The following UNC5C variants were observed in gnomAD, a reference collection of about 807,000 sequenced individuals.
UNC5C encodes unc-5 netrin receptor C, also known as netrin receptor UNC5C.
UNC5C carries 47 observed loss-of-function variants against 99.8 expected under a neutral mutation model. The ratio of observed to expected loss-of-function variants is 0.47; its 90% confidence interval spans 0.37 to 0.60. UNC5C has a LOEUF of 0.60. Among genes scored for constraint, UNC5C ranks in the 20% least tolerant of loss-of-function variants. The pLI is 0.00. For synonymous variants in UNC5C, 487 were observed against 452.2 expected (o/e 1.08, Z -0.98); for missense variants, 1,062 against 1,165.9 (o/e 0.91, Z 1.30).
intron 1 of UNC5C, among the ~76,000 whole-genome samples, chr4:95,380,613 T>C (rs957367757): frequency 6.6e-6 from 1 of 152,126 alleles, no homozygotes; most frequent in Admixed American, 6.5e-5. Context: ...AAGATCACCA[T>C]TTACCCAGAA....
chr4:95,450,279 A>T (rs1038674897), intron 1 of UNC5C, among the ~76,000 whole-genome samples: 1 of 152,198 alleles, frequency 6.6e-6, no homozygotes, highest in Non-Finnish European at 1.5e-5. Context: ...TAGCACAATC[A>T]TAGGTTCATA....
At chr4:95,489,440 T>A (rs73838897) in intron 1 of UNC5C, among the ~76,000 whole-genome samples, 5,560 of 151,752 alleles carry the variant, frequency 0.037, 198 homozygotes, top group African/African-American at 0.093. Context: ...AGTAATTTTT[T>A]AATTTTATTC....
intron 7 of UNC5C, among the ~76,000 whole-genome samples, chr4:95,222,452 A>G (rs998528117): frequency 6.6e-6 from 1 of 152,172 alleles, no homozygotes; most frequent in African/African-American, 2.4e-5. Context: ...CTAAGAATTA[A>G]TAAGCAGGCA....
intron 1 of UNC5C, among the ~76,000 whole-genome samples, chr4:95,468,089 C>T (rs28402691): frequency 0.18 from 27,163 of 148,836 alleles, 2,768 homozygotes; most frequent in East Asian, 0.43. Context: ...GCATACTTGG[C>T]GGACTTTACT....
chr4:95,288,372 C>A (rs529303020), intron 3 of UNC5C, among the ~76,000 whole-genome samples: 3 of 152,056 alleles, frequency 2.0e-5, no homozygotes, highest in African/African-American at 7.2e-5. Flanking sequence ...CGTGAGCCAC[C>A]GTGCCCAGCA....
chr4:95,220,122 A>G lies in UNC5C; in HGVS notation c.1163T>C (p.Ile388Thr), dbSNP rs1163744061. The change falls in exon 8 of 16, where the codon ATC (isoleucine) becomes ACC (threonine). Residue 388 changes from isoleucine (I) to threonine (T), a missense_variant. Transcript: ENST00000453304. ...ALYVGIVIAV[I>T]VCLAISVVVA... Reference sequence around the variant, plus strand: ...AACTACAGAGATCGCCAGGCAAACGATCACTGCTATCACAATCCCAACATA... The same window carrying G: ...AACTACAGAGATCGCCAGGCAAACGGTCACTGCTATCACAATCCCAACATA... The G allele has an allele frequency of 1.9e-6, 3 of 1,613,990 alleles. No homozygotes were observed. The highest frequency in any genetic ancestry group is 3.3e-5 in the Admixed American group (2 of 59,988).
chr4:95,171,769 G>A (rs536341746), intron 14 of UNC5C, among the ~76,000 whole-genome samples: 1 of 151,704 alleles, frequency 6.6e-6, no homozygotes, highest in South Asian at 2.1e-4. Flanking sequence ...TGGGATGGCT[G>A]GGTCAAATGG....
chr4:95,350,423 G>A (rs1743942496), intron 1 of UNC5C, among the ~76,000 whole-genome samples: 1 of 151,974 alleles, frequency 6.6e-6, no homozygotes, highest in Non-Finnish European at 1.5e-5. Flanking sequence ...TGAGGGGGAG[G>A]TTGTAGTGAG....
chr4:95,301,195 A>ATT (rs34905310), intron 3 of UNC5C, among the ~76,000 whole-genome samples: 32,923 of 125,742 alleles, frequency 0.26, 5,566 homozygotes, highest in East Asian at 0.52. Flanking sequence ...TTTTTCCAGG[A>ATT]TTTTTTTTTT....
At chr4:95,298,438 C>G (rs1399187026) in intron 3 of UNC5C, among the ~76,000 whole-genome samples, 1 of 152,138 alleles carries the variant, frequency 6.6e-6, no homozygotes, top group African/African-American at 2.4e-5. Context: ...CTGTGGATGT[C>G]CTCTCACTCA....
At chr4:95,390,131 A>C (rs1745316714) in intron 1 of UNC5C, among the ~76,000 whole-genome samples, 1 of 152,088 alleles carries the variant, frequency 6.6e-6, no homozygotes, top group Non-Finnish European at 1.5e-5. Flanking sequence ...TATGAAGGAG[A>C]CTCAGTAAGT....
chr4:95,284,598 T>C (rs1741169456), intron 3 of UNC5C, among the ~76,000 whole-genome samples: 2 of 152,120 alleles, frequency 1.3e-5, no homozygotes, highest in Non-Finnish European at 2.9e-5. Context: ...GGGAGAGAAG[T>C]GGGTTACAGA....
At chr4:95,329,418 G>T (rs1305446080) in intron 2 of UNC5C, among the ~76,000 whole-genome samples, 2 of 152,138 alleles carry the variant, frequency 1.3e-5, no homozygotes, top group Non-Finnish European at 1.5e-5. Flanking sequence ...TAGTTCCTAG[G>T]TTTGTAACTA....
intron 12 of UNC5C, among the ~76,000 whole-genome samples, chr4:95,190,361 G>T (rs1219521273): frequency 6.6e-6 from 1 of 151,440 alleles, no homozygotes; most frequent in African/African-American, 2.4e-5. Context: ...GAGGCGGGAG[G>T]GATAGCATTA....
chr4:95,244,526 T>C (rs1739433016), intron 6 of UNC5C, among the ~76,000 whole-genome samples: 1 of 152,226 alleles, frequency 6.6e-6, no homozygotes, highest in South Asian at 2.1e-4. Flanking sequence ...ATTTCAAATG[T>C]TGTATTTGCC....
rs1736039986 is a variant in UNC5C at position 95,170,282 on chromosome 4, G to A, written c.2502C>T (p.Thr834=). ...LPLLDPANTI[T]TVTGPSAFSI... ...TGAAAGCACTGGGCCCCGTGACCGT[G>A]GTGATGGTGTTCGCAGGATCCAGCA... Residue 834 remains threonine (T), a synonymous_variant, in exon 15 of 16, where the codon ACC becomes ACT. Transcript: ENST00000453304. The A allele has an allele frequency of 2.5e-6, 4 of 1,614,162 alleles. No homozygotes were observed. Among genetic ancestry groups the A allele is most frequent in the Non-Finnish European group, 3.4e-6 (4 of 1,180,028 alleles).
chr4:95,315,633 A>T (rs72676414), intron 2 of UNC5C, among the ~76,000 whole-genome samples: 19,945 of 152,074 alleles, frequency 0.13, 1,462 homozygotes, highest in African/African-American at 0.19. Flanking sequence ...TTTCCACTAG[A>T]AGAAGAACAG....
At chr4:95,310,722 G>GT (rs34922464) in intron 2 of UNC5C, among the ~76,000 whole-genome samples, 123,861 of 151,950 alleles carry the variant, frequency 0.82, 50,596 homozygotes, top group Middle Eastern at 0.86. Context: ...GTGGCAGCCT[G>GT]TGTCAAATGA....
intron 14 of UNC5C, among the ~76,000 whole-genome samples, chr4:95,172,465 C>G (rs930602956): frequency 6.6e-6 from 1 of 152,168 alleles, no homozygotes. Flanking sequence ...TATGGTTAGG[C>G]AGTTTCCTCA....
Sources: gnomAD v4.1 joint callset for allele counts (sites outside exome capture counted in the v4.1 genomes callset) on GRCh38, gnomAD v4.1.1 for gene constraint, MANE v1.5 for transcripts, NCBI Gene and HGNC (gene_info 2026-07-23, HGNC 2026-07-21) for gene names.